Variants in CHRNA4 observed in about 807,000 individuals in gnomAD.
The protein encoded by CHRNA4 is cholinergic receptor nicotinic alpha 4 subunit.
CHRNA4 carries 28 observed loss-of-function variants against 48.9 expected under a neutral mutation model. The ratio of observed to expected loss-of-function variants is 0.57; its 90% CI spans 0.42 to 0.79. The LOEUF (loss-of-function observed/expected upper bound fraction) is 0.79. Ranked by LOEUF, CHRNA4 falls within the 30% of genes least tolerant of loss-of-function variation. The probability of loss-of-function intolerance (pLI) is 0.00; values close to 1 mark genes in which losing one functional copy is unlikely to be tolerated. For missense variants in CHRNA4, 859 were observed against 898.4 expected (o/e 0.96, Z 0.56); for synonymous variants, 425 against 402.3 (o/e 1.06, Z -0.68).
chr20:63,345,336 C>A lies in CHRNA4; in HGVS notation c.*1402G>T, dbSNP rs1222802679. 4.4e-6 allele frequency: 2 copies of A among 451,414 alleles called. No homozygotes were observed. The highest frequency in any genetic ancestry group is 2.4e-5 in the Admixed American group (1 of 42,446). 28.0% of individuals were successfully genotyped at this position (451,414 alleles called of 1,614,324 possible). A position where few individuals can be genotyped will look rare whatever the true frequency, so the allele number is the denominator to read the frequency against. ...GCTTCCTGACTGTCTCCTCCTGAACCGATGTCACTCACAGGCAGGGGACAC... is the reference window on the plus strand; with the variant it reads ...GCTTCCTGACTGTCTCCTCCTGAACAGATGTCACTCACAGGCAGGGGACAC... On this transcript the variant is annotated 3_prime_UTR_variant, in exon 6 of 6. Coordinates refer to ENST00000370263, the MANE Select transcript of CHRNA4 (RefSeq NM_000744.7). This position sits in a 1 kb window ranked among gnomAD's most constrained non-coding sequence, Gnocchi z 5.4.
chr20:63,355,505 G>A, intron 4 of CHRNA4: 2 of 1,290,106 alleles, frequency 1.6e-6, no homozygotes, highest in South Asian at 1.2e-5. Flanking sequence ...CCCCTCTCCA[G>A]GGCACCCTGC....
At position 63,343,463 on chromosome 20, in the gene CHRNA4, C is replaced by T. The variant is rs552280330; in HGVS notation, c.*3275G>A. On this transcript the variant is annotated 3_prime_UTR_variant, in exon 6 of 6. Coordinates refer to ENST00000370263, the MANE Select transcript of CHRNA4 (RefSeq NM_000744.7). ...CTCAGCCACTTTAGAAATCCGAAGCCGCCTCTGCTCCAGGGGACACCTAAC... is the reference window on the plus strand; with the variant it reads ...CTCAGCCACTTTAGAAATCCGAAGCTGCCTCTGCTCCAGGGGACACCTAAC... 6 of 454,154 alleles carry T rather than the reference C, an allele frequency of 1.3e-5. No individual in the cohort carries two copies. The highest frequency in any genetic ancestry group is 2.6e-5 in the Non-Finnish European group (6 of 226,800). The allele number at this position is 454,154 out of a possible 1,614,324, so 28.1% of individuals were successfully genotyped here. A position where few individuals can be genotyped will look rare whatever the true frequency, so the allele number is the denominator to read the frequency against.
intron 2 of CHRNA4, among the ~76,000 whole-genome samples, chr20:63,357,372 TG>T (rs2068737541): frequency 6.6e-6 from 1 of 152,220 alleles, no homozygotes; most frequent in South Asian, 2.1e-4. Flanking sequence ...TGGCCAGGCC[TG>T]GCCCTCCTGC....
intron 1 of CHRNA4, 172 bp downstream of exon 1, chr20:63,360,918 C>T (rs1450297100): frequency 7.9e-6 from 4 of 506,514 alleles, no homozygotes; most frequent in East Asian, 3.6e-5. Context: ...CCTGGCTCAG[C>T]CCGGGTGCGA....
chr20:63,350,179 G>T lies in CHRNA4; in HGVS notation c.1232C>A (p.Pro411His), dbSNP rs779035642. ...CCCAGGCTCAGCCGGCACATCCAGG[G>T]GGACACAGAAGGACGGTGAGGGCGG... ...LHPPSPSFCV[P>H]LDVPAEPGPS... Residue 411 changes from proline to histidine, a missense_variant, in exon 5 of 6, where the codon CCC becomes CAC. Physicochemically the swap from Pro to His is moderately conservative, Grantham distance 77. Coordinates refer to ENST00000370263, the MANE Select transcript of CHRNA4 (RefSeq NM_000744.7). The T allele has an allele frequency of 6.3e-6, 10 of 1,592,244 alleles. No homozygotes were observed. The Admixed American group carries it at 1.6e-4, about 25-fold the overall frequency.
intron 4 of CHRNA4, among the ~76,000 whole-genome samples, chr20:63,353,750 C>T (rs2068659101): frequency 3.3e-4 from 1 of 3,048 alleles, no homozygotes; most frequent in African/African-American, 4.7e-4. Flanking sequence ...GGCTGTGGTC[C>T]TGGGGGGCTG....
chr20:63,352,108 A>G lies in CHRNA4; in HGVS notation c.384-1081T>C, dbSNP rs545553195. On this transcript the variant is annotated intron_variant, in intron 4 of 5. Coordinates refer to ENST00000370263, the MANE Select transcript of CHRNA4 (RefSeq NM_000744.7). ...GGGGGGAGCGGCTGCCCAGCCACAC[A>G]CCTCCTGCTCCACCTCTGCCAAGCT... Among the ~76,000 whole-genome samples the G allele has an allele frequency of 7.9e-5, 12 of 151,976 alleles. No homozygotes were observed. In the East Asian group the frequency reaches 2.1e-3, roughly 27 times the overall value.
chr20:63,359,888 G>C (rs1399620351), intron 1 of CHRNA4, 189 bp from the exon 2 acceptor site: 3 of 515,244 alleles, frequency 5.8e-6, no homozygotes, highest in Non-Finnish European at 6.9e-6. Context: ...TGTGTGTGCC[G>C]GGCGTGTGCT....
intron 5 of CHRNA4, among the ~76,000 whole-genome samples, chr20:63,348,726 C>A (rs1271581654): frequency 1.3e-5 from 2 of 152,210 alleles, no homozygotes; most frequent in Non-Finnish European, 2.9e-5. Context: ...GAGGCCGAGA[C>A]CCCCGGCCAC....
In CHRNA4 at chr20:63,346,234, G is replaced by A. The variant is rs769115477; in HGVS notation, c.*504C>T. The A allele has an allele frequency of 1.3e-5, 6 of 454,264 alleles. No individual in the cohort carries two copies. Among genetic ancestry groups the A allele is most frequent in the South Asian group, 9.3e-5 (6 of 64,432 alleles). The allele number at this position is 454,264 out of a possible 1,614,324, so 28.1% of individuals were successfully genotyped here. On this transcript the variant is annotated 3_prime_UTR_variant, in exon 6 of 6. Coordinates refer to ENST00000370263, the MANE Select transcript of CHRNA4 (RefSeq NM_000744.7). ...TGGCTCACCCTCATGGGGCCCGAGAGGCTCAAGGACCCTGGGGGAGAAGTT... is the reference window on the plus strand; with the variant it reads ...TGGCTCACCCTCATGGGGCCCGAGAAGCTCAAGGACCCTGGGGGAGAAGTT...
rs200063611 is a variant in CHRNA4, at chr20:63,350,724, G to C, written c.687C>G (p.Ile229Met). Residue 229 changes from isoleucine (I) to methionine (M), a missense_variant, in exon 5 of 6, where the codon ATC becomes ATG. Transcript: ENST00000370263. The part of the protein sequence containing the change: ...NTRKYECCAE[I>M]YPDITYAFVI... ...CGAAGGCATAGGTGATGTCCGGGTA[G>C]ATCTCGGCACAGCACTCGTACTTCC... 3.7e-6 allele frequency: 6 copies of C among 1,613,720 alleles called. No homozygotes were observed. The highest frequency in any genetic ancestry group is 1.7e-5 in the Admixed American group (1 of 59,968).
chr20:63,359,418 T>C, intron 2 of CHRNA4, 130 bp downstream of exon 2: 7 of 1,213,836 alleles, frequency 5.8e-6, no homozygotes, highest in Non-Finnish European at 7.1e-6. Context: ...CGTTCTGACG[T>C]ACCAGCCCGG....
intron 5 of CHRNA4, 92 bp downstream of exon 5, chr20:63,349,561 G>A: frequency 6.6e-7 from 1 of 1,524,424 alleles, no homozygotes. Flanking sequence ...TGAGGCCTGG[G>A]CCCGGCTCCT....
intron 2 of CHRNA4, chr20:63,356,633 A>T: frequency 1.6e-6 from 1 of 609,834 alleles, no homozygotes; most frequent in East Asian, 2.8e-5. Flanking sequence ...GGCCACAAAC[A>T]TCTCCAGCAG....
chr20:63,359,301 C>A, intron 2 of CHRNA4: 1 of 576,984 alleles, frequency 1.7e-6, no homozygotes. Flanking sequence ...GAGAACCTGG[C>A]CACTTGGAGT....
At chr20:63,358,354 C>T (rs1243407793) in intron 2 of CHRNA4, among the ~76,000 whole-genome samples, 3 of 152,248 alleles carry the variant, frequency 2.0e-5, no homozygotes, top group African/African-American at 7.2e-5. Context: ...GCAGCTCTCA[C>T]CCCGTTTCAC....
chr20:63,346,665 G>C lies in CHRNA4; in HGVS notation c.*73C>G. The stretch of plus-strand genomic sequence containing the variant: ...ACAGAGTCCAGGGAGAAGCCAGCCC[G>C]GCCCCAGGCCGGCCGCATGGATGCT... On this transcript the variant is annotated 3_prime_UTR_variant, in exon 6 of 6. Transcript: ENST00000370263. The C allele has an allele frequency of 6.5e-7, 1 of 1,546,310 alleles. No individual in the cohort carries two copies. Among genetic ancestry groups the C allele is most frequent in the Non-Finnish European group, 8.7e-7 (1 of 1,151,996 alleles).
chr20:63,350,078 A>G lies in CHRNA4; in HGVS notation c.1333T>C (p.Ser445Pro). ...LEAEKASPHP[S>P]PGPCRPPHGT... ...TGGGGCGGGCGGCAGGGTCCAGGCG[A>G]GGGGTGGGGGCTGGCTTTCTCAGCT... Residue 445 changes from serine to proline, a missense_variant, in exon 5 of 6, where the codon TCG (serine) becomes CCG (proline). Physicochemically the swap from Ser to Pro is moderately conservative, Grantham distance 74 (BLOSUM62 -1). Transcript: ENST00000370263. The G allele has an allele frequency of 1.3e-6, 2 of 1,519,958 alleles. No individual in the cohort carries two copies. The highest frequency in any genetic ancestry group is 1.8e-6 in the Non-Finnish European group (2 of 1,131,760). 94.2% of individuals were successfully genotyped at this position (1,519,958 alleles called of 1,614,324 possible).
At chr20:63,347,029 T>C (rs1443425376) in intron 5 of CHRNA4, 166 bp from the exon 6 acceptor site, 11 of 997,136 alleles carry the variant, frequency 1.1e-5, no homozygotes, top group East Asian at 2.6e-5. Flanking sequence ...AGGGGAGGAA[T>C]TGGGGTGCAC....
Sources: allele counts gnomAD v4.1 joint callset (sites outside exome capture counted in the v4.1 genomes callset), GRCh38; gene constraint gnomAD v4.1.1; non-coding constraint Gnocchi (gnomAD v3.1); transcripts MANE v1.5; gene names NCBI Gene and HGNC (gene_info 2026-07-23, HGNC 2026-07-21).